CDON: variants seen among roughly 807,000 people sequenced by gnomAD.
CDON encodes the protein cell adhesion associated, oncogene regulated.
In CDON, 73 loss-of-function variants were observed where a neutral mutation model predicts 120.9. The ratio of observed to expected loss-of-function variants is 0.60; its 90% CI spans 0.50 to 0.73. The LOEUF (loss-of-function observed/expected upper bound fraction) is 0.73, where lower values mean the gene tolerates loss of function less well. CDON is among the 30% of genes least tolerant of loss of function. The pLI, the probability that CDON is intolerant of heterozygous loss-of-function variation, is 0.00. For missense variants in CDON, 1,470 were observed against 1,587.3 expected, an observed-to-expected ratio of 0.93 and a Z score of 1.26; for synonymous variants, 566 against 573.5, an observed-to-expected ratio of 0.99 and a Z score of 0.19.
At chr11:126,060,820 C>A (rs1457166622) in intron 1 of CDON, among the ~76,000 whole-genome samples, 3 of 152,190 alleles carry the variant, frequency 2.0e-5, no homozygotes, top group African/African-American at 7.2e-5. Flanking sequence ...GAACTTAATT[C>A]TTTTCCTGCA....
intron 7 of CDON, among the ~76,000 whole-genome samples, chr11:126,014,219 CAAG>C (rs1486621674): frequency 4.6e-5 from 7 of 151,602 alleles, no homozygotes; most frequent in Non-Finnish European, 8.8e-5. Flanking sequence ...TCTTATAAAT[CAAG>C]AAGAAAAAAG....
Position 125,959,840 on chromosome 11 carries a change from C to G in CDON, c.*1102G>C, listed in dbSNP as rs1945591380. 6.6e-6 allele frequency: 1 copy of G among 152,144 alleles called. No homozygotes were observed. The highest frequency in any genetic ancestry group is 6.5e-5 in the Admixed American group (1 of 15,270). 9.4% of individuals were successfully genotyped at this position (152,144 alleles called of 1,614,324 possible). A position where few individuals can be genotyped will look rare whatever the true frequency, so the allele number is the denominator to read the frequency against. ...TTCTTCTGAAAATGTGTATCTTTCT[C>G]TTCAAGCCACCATTTAATGTCTTAT... On this transcript the variant is annotated 3_prime_UTR_variant, in exon 20 of 20. Coordinates refer to ENST00000531738, the MANE Select transcript of CDON (RefSeq NM_001378964.1).
chr11:126,032,166 C>T (rs977344326), intron 1 of CDON, among the ~76,000 whole-genome samples: 2 of 152,008 alleles, frequency 1.3e-5, no homozygotes, highest in Non-Finnish European at 2.9e-5. Context: ...AGGTAAGCAA[C>T]AGAATAAAGC....
chr11:126,043,749 C>T (rs1467859660), intron 1 of CDON, among the ~76,000 whole-genome samples: 1 of 152,194 alleles, frequency 6.6e-6, no homozygotes, highest in Non-Finnish European at 1.5e-5. Context: ...GTTGCGCTTA[C>T]ATCCACTCAC....
intron 16 of CDON, 93 bp from the exon 17 acceptor site, chr11:125,981,422 GCA>G: frequency 1.0e-6 from 1 of 968,854 alleles, no homozygotes; most frequent in Non-Finnish European, 1.5e-6. Context: ...ATGCACATAC[GCA>G]CACACGCACA....
At chr11:126,002,608 C>T (rs146751202) in intron 10 of CDON, among the ~76,000 whole-genome samples, 128 of 152,284 alleles carry the variant, frequency 8.4e-4, no homozygotes, top group African/African-American at 2.9e-3. Flanking sequence ...CCTCACAAGC[C>T]GCCCTGCAGA....
chr11:125,961,341 A>C (rs575940945), intron 19 of CDON, among the ~76,000 whole-genome samples: 1 of 152,346 alleles, frequency 6.6e-6, no homozygotes, highest in South Asian at 2.1e-4. Flanking sequence ...ACCCCTTAAA[A>C]GCCCTAAAAT....
At chr11:126,027,963 C>T (rs1413912635) in intron 1 of CDON, among the ~76,000 whole-genome samples, 2 of 144,388 alleles carry the variant, frequency 1.4e-5, no homozygotes, top group Non-Finnish European at 3.0e-5. Flanking sequence ...ACTTAAATCA[C>T]TCTGCCTTTT....
At chr11:126,012,594 A>G (rs1433108506) in intron 7 of CDON, among the ~76,000 whole-genome samples, 1 of 147,196 alleles carries the variant, frequency 6.8e-6, no homozygotes, top group Non-Finnish European at 1.5e-5. Flanking sequence ...ATTTTAGTAG[A>G]GACGGGGTTT....
rs534371767 is a variant in CDON, at chr11:126,038,033, A to G, written c.-61-14496T>C. On this transcript the variant is annotated intron_variant, in intron 1 of 19. Coordinates refer to ENST00000531738, the MANE Select transcript of CDON (RefSeq NM_001378964.1). ...CCAAAGTCGACAAAATTTCAGCTCT[A>G]AACATTTAAGTTCATCACTTCAGTT... 4.6e-5 allele frequency among the ~76,000 whole-genome samples: 7 copies of G among 152,316 alleles called. No individual in the cohort carries two copies. The South Asian group carries it at 1.4e-3, about 32-fold the overall frequency.
intron 15 of CDON, among the ~76,000 whole-genome samples, chr11:125,987,572 G>C (rs1946505683): frequency 6.6e-6 from 1 of 152,202 alleles, no homozygotes; most frequent in Non-Finnish European, 1.5e-5. Context: ...CCACTGACCT[G>C]AAAGTCTGTA....
chr11:126,024,716 G>C (rs574510174), intron 1 of CDON, among the ~76,000 whole-genome samples: 1 of 152,292 alleles, frequency 6.6e-6, no homozygotes, highest in East Asian at 1.9e-4. Context: ...TGGAAATGTA[G>C]ATCTTAAACG....
At chr11:126,050,026 C>T (rs1948516100) in intron 1 of CDON, among the ~76,000 whole-genome samples, 1 of 152,018 alleles carries the variant, frequency 6.6e-6, no homozygotes, top group Non-Finnish European at 1.5e-5. Flanking sequence ...CGTTAAAAAG[C>T]AAGGATCCCA....
intron 1 of CDON, among the ~76,000 whole-genome samples, chr11:126,035,541 TG>T (rs1017497634): frequency 1.3e-5 from 2 of 152,090 alleles, no homozygotes; most frequent in African/African-American, 4.8e-5. Context: ...CATCCTACCA[TG>T]GAAGAGAGGC....
chr11:125,985,301 G>A (rs1184517012), intron 15 of CDON, among the ~76,000 whole-genome samples: 1 of 152,134 alleles, frequency 6.6e-6, no homozygotes, highest in Non-Finnish European at 1.5e-5. Context: ...AGCCTCCCAG[G>A]TAGCTGGGAT....
chr11:126,029,146 G>C (rs1947882500), intron 1 of CDON, among the ~76,000 whole-genome samples: 1 of 152,114 alleles, frequency 6.6e-6, no homozygotes, highest in Non-Finnish European at 1.5e-5. Context: ...TCTTGACTTT[G>C]AGTAATGAAC....
chr11:126,041,363 A>T (rs1215318833), intron 1 of CDON, among the ~76,000 whole-genome samples: 2 of 152,172 alleles, frequency 1.3e-5, no homozygotes, highest in South Asian at 4.1e-4. Context: ...AAGGCATATG[A>T]CCAACTGTGG....
At position 125,997,256 on chromosome 11, in the gene CDON, T is replaced by C. The variant is rs771590879; in HGVS notation, c.2313A>G (p.Glu771=). The C allele has an allele frequency of 6.2e-6, 10 of 1,614,056 alleles. No individual in the cohort carries two copies. In the East Asian group the frequency reaches 1.6e-4, roughly 25 times the overall value. Residue 771 remains glutamate (E), a synonymous_variant, in exon 12 of 20, where the codon GAA becomes GAG. Coordinates refer to ENST00000531738, the MANE Select transcript of CDON (RefSeq NM_001378964.1). ...MRTSNWLVAA[E]DIPPSKLSVE... The stretch of plus-strand genomic sequence containing the variant: ...CTGAAAGTTTGGAAGGAGGGATGTC[T>C]TCAGCTGCCACCAGCCAATTGCTGG...
intron 7 of CDON, among the ~76,000 whole-genome samples, chr11:126,012,165 T>C (rs1947322301): frequency 6.6e-6 from 1 of 152,222 alleles, no homozygotes; most frequent in African/African-American, 2.4e-5. Flanking sequence ...GTTATGCATA[T>C]AAATTTTAGA....
Sources: gnomAD v4.1 joint callset for allele counts (sites outside exome capture counted in the v4.1 genomes callset) on GRCh38, gnomAD v4.1.1 for gene constraint, MANE v1.5 for transcripts, NCBI Gene and HGNC (gene_info 2026-07-23, HGNC 2026-07-21) for gene names.